Variants in TTC12 observed in about 807,000 individuals in gnomAD.
The protein encoded by TTC12 is tetratricopeptide repeat domain 12.
TTC12 carries 70 observed loss-of-function variants against 90.1 expected under a neutral mutation model. The ratio of observed to expected loss-of-function variants is 0.78; its 90% CI spans 0.64 to 0.95. The LOEUF is 0.95. Ranked by LOEUF, TTC12 falls within the 40% of genes least tolerant of loss-of-function variation. The probability of loss-of-function intolerance (pLI) is 0.00; values close to 1 mark genes in which losing one functional copy is unlikely to be tolerated. For missense variants in TTC12, 819 were observed against 846.1 expected (o/e 0.97, Z 0.40); for synonymous variants, 296 against 311.5 (o/e 0.95, Z 0.53).
chr11:113,349,868 C>T lies in TTC12; in HGVS notation c.1155-205C>T, dbSNP rs1378376303. Among the ~76,000 whole-genome samples, 3 of 152,292 alleles carry T rather than the reference C, an allele frequency of 2.0e-5. No homozygotes were observed. The South Asian group carries it at 6.2e-4, about 32-fold the overall frequency. Reference sequence around the variant, plus strand: ...AAGTATTCAGCATTCTGGGGATTCACATTAAGTGGTGGAGCCAACCACTTA... The same window carrying T: ...AAGTATTCAGCATTCTGGGGATTCATATTAAGTGGTGGAGCCAACCACTTA... On this transcript the variant is annotated intron_variant, in intron 13 of 21. Coordinates refer to ENST00000529221, the MANE Select transcript of TTC12 (RefSeq NM_017868.4).
intron 13 of TTC12, among the ~76,000 whole-genome samples, chr11:113,347,014 C>G (rs544595436): frequency 4.6e-5 from 7 of 152,288 alleles, no homozygotes; most frequent in African/African-American, 1.7e-4. Context: ...ACCGTCCTCT[C>G]TAGGTGCTGA....
intron 21 of TTC12, among the ~76,000 whole-genome samples, chr11:113,372,969 CCT>C (rs1436721039): frequency 2.0e-5 from 3 of 152,176 alleles, no homozygotes; most frequent in African/African-American, 7.2e-5. Flanking sequence ...ACTCCTATAT[CCT>C]CTGTTTCAAA....
downstream of TTC12, among the ~76,000 whole-genome samples, chr11:113,370,159 A>G (rs1408800361): frequency 2.6e-5 from 4 of 152,342 alleles, no homozygotes; most frequent in East Asian, 7.7e-4. Context: ...GTGCATGGGC[A>G]TCAACAGGAC....
rs140398058 is a variant in TTC12 at position 113,336,392 on chromosome 11, T to C, written c.576+1355T>C. Among the ~76,000 whole-genome samples the C allele has an allele frequency of 7.0e-3, 1,068 of 152,322 alleles. 9 individuals carry two copies. The highest frequency in any genetic ancestry group is 0.024 in the African/African-American group (992 of 41,572). On this transcript the variant is annotated intron_variant, in intron 8 of 21. Transcript: ENST00000529221. ...AAAAATGTTTAAGTTTGATAAAGCC[T>C]CAATTACCTATTTTTCTTTGGTTGC...
chr11:113,359,931 T>C lies in TTC12; in HGVS notation c.1546-9T>C. The stretch of plus-strand genomic sequence containing the variant: ...AAAATCTCCTGCTGGCCTCTCCCCA[T>C]TGTTGTAGGTTTGGGCTGTGGAGGT... On this transcript the variant is annotated splice_polypyrimidine_tract_variant and intron_variant, in intron 17 of 21. Coordinates refer to ENST00000529221, the MANE Select transcript of TTC12 (RefSeq NM_017868.4). 2 of 1,586,112 alleles carry C rather than the reference T, an allele frequency of 1.3e-6. No individual in the cohort carries two copies. The highest frequency in any genetic ancestry group is 1.7e-6 in the Non-Finnish European group (2 of 1,164,704).
chr11:113,362,153 A>G (rs1210310093), intron 18 of TTC12, among the ~76,000 whole-genome samples: 1 of 152,198 alleles, frequency 6.6e-6, no homozygotes. Flanking sequence ...CCTTTCTCAG[A>G]GTGGAACTGG....
chr11:113,360,996 A>G (rs1302112133), intron 18 of TTC12, among the ~76,000 whole-genome samples: 2 of 152,212 alleles, frequency 1.3e-5, no homozygotes, highest in Admixed American at 1.3e-4. Flanking sequence ...AGGTGAGCCT[A>G]CACTAGTGCC....
In TTC12 at chr11:113,364,523, G is replaced by T. The variant is rs549530702; in HGVS notation, c.1817-312G>T. 1.9e-5 allele frequency: 7 copies of T among 365,200 alleles called. No individual in the cohort carries two copies. The East Asian group carries it at 4.4e-4, about 23-fold the overall frequency. The allele number at this position is 365,200 out of a possible 1,614,324, so 22.6% of individuals were successfully genotyped here. On this transcript the variant is annotated intron_variant, in intron 20 of 21. Coordinates refer to ENST00000529221, the MANE Select transcript of TTC12 (RefSeq NM_017868.4). ...GTCAGATAAGACCTCTCACCCTGGC[G>T]CAGTGAGAGGTTAAGAATAGGCTTT...
intron 21 of TTC12, among the ~76,000 whole-genome samples, chr11:113,365,315 G>T (rs544467714): frequency 1.3e-5 from 2 of 152,200 alleles, no homozygotes; most frequent in African/African-American, 4.8e-5. Context: ...ACTTGCTGCC[G>T]TTGCCTTCTC....
At chr11:113,331,378 T>TG in intron 7 of TTC12, among the ~76,000 whole-genome samples, 1 of 152,190 alleles carries the variant, frequency 6.6e-6, no homozygotes, top group African/African-American at 2.4e-5. Flanking sequence ...GCAAACAACA[T>TG]CATTTGCTGC....
rs1192948630 is a variant in TTC12, at chr11:113,338,890, GC to G, written c.637+58del. 25 of 1,483,860 alleles carry G rather than the reference GC, an allele frequency of 1.7e-5. 1 individual carries two copies. The highest frequency in any genetic ancestry group is 2.1e-5 in the Non-Finnish European group (22 of 1,063,808). The allele number at this position is 1,483,860 out of a possible 1,614,324, so 91.9% of individuals were successfully genotyped here. A position where few individuals can be genotyped will look rare whatever the true frequency, so the allele number is the denominator to read the frequency against. On this transcript the variant is annotated intron_variant, in intron 9 of 21. Transcript: ENST00000529221. ...TGAACTCCACCTCCCTCTGCCCCCT[GC>G]CTTAGAATGCCTTCCGTGCTTTCAC... is the stretch of plus-strand genomic sequence containing the variant.
chr11:113,335,335 G>C (rs1948304324), intron 8 of TTC12, among the ~76,000 whole-genome samples: 1 of 152,116 alleles, frequency 6.6e-6, no homozygotes, highest in Non-Finnish European at 1.5e-5. Context: ...TCACCCAAAA[G>C]TAACCATGCA....
Position 113,354,829 on chromosome 11 carries a change from C to T in TTC12, c.1446+2622C>T, listed in dbSNP as rs558178319. 3.4e-4 allele frequency among the ~76,000 whole-genome samples: 52 copies of T among 152,236 alleles called. 1 individual carries two copies. The highest frequency in any genetic ancestry group is 7.2e-4 in the Non-Finnish European group (49 of 68,006). On this transcript the variant is annotated intron_variant, in intron 16 of 21. Transcript: ENST00000529221. ...AGTCTACATCATTGTGATGGATGAG[C>T]TTTTTGATGTGCTGCTAGATTCAGT...
chr11:113,325,460 A>G (rs1947625941), intron 5 of TTC12, 64 bp from the exon 6 acceptor site: 43 of 1,590,684 alleles, frequency 2.7e-5, no homozygotes, highest in Non-Finnish European at 3.6e-5. Context: ...AATCGGGGGA[A>G]TAAAGTCTGA....
chr11:113,365,511 C>T, intron 21 of TTC12: 1 of 209,250 alleles, frequency 4.8e-6, no homozygotes, highest in East Asian at 9.9e-5. Context: ...CAGCAAGGGT[C>T]ACATGTTCAT....
At chr11:113,327,350 C>T (rs530949533) in intron 6 of TTC12, among the ~76,000 whole-genome samples, 27 of 152,230 alleles carry the variant, frequency 1.8e-4, no homozygotes, top group African/African-American at 6.5e-4. Context: ...TGTTACAAAC[C>T]GTTTGAACCA....
chr11:113,324,883 A>G (rs1296420104), intron 5 of TTC12, among the ~76,000 whole-genome samples: 2 of 152,194 alleles, frequency 1.3e-5, no homozygotes, highest in Non-Finnish European at 2.9e-5. Context: ...AGGGTAGGAT[A>G]CACCTACCTC....
At chr11:113,362,751 C>T (rs187724792) in intron 19 of TTC12, among the ~76,000 whole-genome samples, 198 of 152,324 alleles carry the variant, frequency 1.3e-3, no homozygotes, top group Middle Eastern at 3.4e-3. Flanking sequence ...GCTTACCCCT[C>T]AAGCCTGACT....
chr11:113,356,006 C>A (rs1949613607), intron 16 of TTC12, among the ~76,000 whole-genome samples: 1 of 152,184 alleles, frequency 6.6e-6, no homozygotes, highest in Non-Finnish European at 1.5e-5. Flanking sequence ...TGTTGATTTT[C>A]TATCTCAGTG....
Sources: allele counts gnomAD v4.1 joint callset (sites outside exome capture counted in the v4.1 genomes callset), GRCh38; gene constraint gnomAD v4.1.1; transcripts MANE v1.5; gene names NCBI Gene and HGNC (gene_info 2026-07-23, HGNC 2026-07-21).